RNF212B: variants seen among roughly 807,000 people sequenced by gnomAD.
The protein encoded by RNF212B is ring finger protein 212B.
RNF212B carries 52 observed loss-of-function variants against 55.5 expected under a neutral mutation model. The observed-to-expected ratio is 0.94, with a 90% CI of 0.75 to 1.18. RNF212B has a LOEUF of 1.18. Ranked by LOEUF, RNF212B falls within the 50% of genes most tolerant of loss-of-function variation. RNF212B has a pLI of 0.00. For missense variants in RNF212B, 289 were observed against 350.4 expected, an observed-to-expected ratio of 0.82 and a Z score of 1.40; for synonymous variants, 99 against 121.4, an observed-to-expected ratio of 0.82 and a Z score of 1.21.
At chr14:23,239,694 C>T (rs1883413907) in intron 1 of RNF212B, among the ~76,000 whole-genome samples, 2 of 152,128 alleles carry the variant, frequency 1.3e-5, no homozygotes, top group South Asian at 4.2e-4. Context: ...TCTCAGCTCA[C>T]TGCAACCTCT....
intron 4 of RNF212B, among the ~76,000 whole-genome samples, chr14:23,255,069 A>T (rs1342937975): frequency 6.6e-6 from 1 of 152,214 alleles, no homozygotes; most frequent in East Asian, 1.9e-4. Context: ...TAATAGCTAA[A>T]TCTCCAAACA....
intron 2 of RNF212B, among the ~76,000 whole-genome samples, chr14:23,226,782 T>C (rs1882067551): frequency 6.8e-6 from 1 of 147,598 alleles, no homozygotes; most frequent in Admixed American, 6.9e-5. Flanking sequence ...CCTCTCTTCT[T>C]TTTTTTTCCT....
At chr14:23,261,520 T>C (rs749789778) in intron 7 of RNF212B, among the ~76,000 whole-genome samples, 3 of 152,254 alleles carry the variant, frequency 2.0e-5, no homozygotes, top group Non-Finnish European at 4.4e-5. Context: ...ATTTCCTCTG[T>C]GAAGACTGCA....
chr14:23,233,148 G>A (rs371100868), upstream of RNF212B, among the ~76,000 whole-genome samples: 15 of 152,054 alleles, frequency 9.9e-5, no homozygotes, highest in African/African-American at 2.4e-4. Flanking sequence ...GTGTCCACTC[G>A]GGGTTAAATG....
At chr14:23,227,583 C>A (rs1439390261) in intron 2 of RNF212B, among the ~76,000 whole-genome samples, 1 of 150,814 alleles carries the variant, frequency 6.6e-6, no homozygotes, top group African/African-American at 2.5e-5. Flanking sequence ...ATTGAATATA[C>A]ATTAAATCGA....
chr14:23,256,683 A>T (rs1236936169), intron 4 of RNF212B, among the ~76,000 whole-genome samples: 1 of 152,050 alleles, frequency 6.6e-6, no homozygotes, highest in East Asian at 1.9e-4. Flanking sequence ...CCTCTATTCA[A>T]ATTTTCTAAA....
chr14:23,251,531 A>G (rs12882182), intron 4 of RNF212B, among the ~76,000 whole-genome samples: 61,189 of 152,088 alleles, frequency 0.4, 12,410 homozygotes, highest in East Asian at 0.42. Context: ...GATACAACAT[A>G]GGGGCCAGGT....
rs181467527 is a variant in RNF212B, at chr14:23,232,067, C to T, written c.-1-8278C>T. Among the ~76,000 whole-genome samples, 1,386 of 152,282 alleles carry T rather than the reference C, an allele frequency of 9.1e-3. 16 individuals carry two copies. Among genetic ancestry groups the T allele is most frequent in the African/African-American group, 0.031 (1,300 of 41,544 alleles). On this transcript the variant is annotated intron_variant, in intron 2 of 15. Coordinates refer to the RNF212B transcript ENST00000399910. ...TGCAGCCTCTGCCCGGCTGCCACCC[C>T]GTCTGGGATGTGAGGAGCGTCTCTG... is the stretch of plus-strand genomic sequence containing the variant.
Position 23,240,421 on chromosome 14 carries a change from T to C in RNF212B, c.76T>C (p.Phe26Leu). 1.3e-6 allele frequency: 2 copies of C among 1,550,358 alleles called. No individual in the cohort carries two copies. The highest frequency in any genetic ancestry group is 1.7e-6 in the Non-Finnish European group (2 of 1,146,828). ...HFFVTSCGHI[F>L]CKKCVTLEKC... ...CTTTGTCACCAGCTGTGGCCATATT[T>C]TCTGTAAAAAGTGTGTGACTCTGGG... The change falls in exon 2 of 15, where the codon TTC (phenylalanine) becomes CTC (leucine). Residue 26 changes from phenylalanine (F) to leucine (L), a missense_variant. Coordinates refer to ENST00000430154, the MANE Select transcript of RNF212B (RefSeq NM_001282322.3).
intron 5 of RNF212B, chr14:23,259,363 A>ATTTTTTTT (rs759972174): frequency 2.6e-5 from 3 of 114,248 alleles, no homozygotes; most frequent in African/African-American, 9.5e-5. Flanking sequence ...TAATTTTTGT[A>ATTTTTTTT]TTTTTTTTTT....
chr14:23,213,482 T>A (rs7154448), intron 2 of RNF212B, among the ~76,000 whole-genome samples: 6,973 of 151,918 alleles, frequency 0.046, 568 homozygotes, highest in African/African-American at 0.16. Flanking sequence ...CCACCAGGAG[T>A]CATGAGGCGG....
chr14:23,214,494 C>T (rs1417808885), intron 2 of RNF212B, among the ~76,000 whole-genome samples: 2 of 151,142 alleles, frequency 1.3e-5, no homozygotes, highest in Non-Finnish European at 2.9e-5. Flanking sequence ...ACTCAGTCCC[C>T]CCAATAATTA....
At chr14:23,254,536 C>T (rs1012972245) in intron 4 of RNF212B, among the ~76,000 whole-genome samples, 1 of 152,074 alleles carries the variant, frequency 6.6e-6, no homozygotes, top group Non-Finnish European at 1.5e-5. Context: ...ATATTCATTT[C>T]CAAAGCATAT....
At chr14:23,217,263 G>C (rs886065184) in intron 2 of RNF212B, among the ~76,000 whole-genome samples, 2 of 152,006 alleles carry the variant, frequency 1.3e-5, no homozygotes, top group Non-Finnish European at 2.9e-5. Flanking sequence ...GGTGGGGGGG[G>C]GGCTCCTCTG....
chr14:23,251,814 C>CAAAAAA (rs71119011), intron 4 of RNF212B, among the ~76,000 whole-genome samples: 4 of 136,400 alleles, frequency 2.9e-5, no homozygotes, highest in Admixed American at 7.3e-5. Context: ...GACTCTGTCT[C>CAAAAAA]AAAAAAAAAA....
At chr14:23,262,807 C>A in intron 8 of RNF212B, 96 bp downstream of exon 8, 1 of 1,445,312 alleles carries the variant, frequency 6.9e-7, no homozygotes, top group Non-Finnish European at 9.5e-7. Context: ...TGTGATCTTC[C>A]TAACTTTATG....
intron 2 of RNF212B, among the ~76,000 whole-genome samples, chr14:23,210,576 G>A (rs1880393210): frequency 6.6e-6 from 1 of 151,986 alleles, no homozygotes; most frequent in Admixed American, 6.6e-5. Context: ...AGGAGTTTGA[G>A]ACCAGTCTTG....
chr14:23,259,775 G>A, intron 5 of RNF212B, 109 bp from the exon 6 acceptor site: 2 of 496,306 alleles, frequency 4.0e-6, no homozygotes, highest in Non-Finnish European at 7.1e-6. Flanking sequence ...TTGTATAGCT[G>A]CAAGCATTTC....
At chr14:23,245,070 A>G (rs1018713258) in intron 4 of RNF212B, among the ~76,000 whole-genome samples, 3 of 152,164 alleles carry the variant, frequency 2.0e-5, no homozygotes, top group African/African-American at 7.2e-5. Flanking sequence ...AGATTATTCT[A>G]TAGCCTCATG....
Sources: gnomAD v4.1 joint callset for allele counts (sites outside exome capture counted in the v4.1 genomes callset) on GRCh38, gnomAD v4.1.1 for gene constraint, MANE v1.5 for transcripts, NCBI Gene and HGNC (gene_info 2026-07-23, HGNC 2026-07-21) for gene names.